CLASP1: variants seen among roughly 807,000 people sequenced by gnomAD.
The protein encoded by CLASP1 is cytoplasmic linker associated protein 1.
CLASP1 carries 38 observed loss-of-function variants against 192.3 expected under a neutral mutation model. The observed-to-expected ratio is 0.20, with a 90% CI of 0.15 to 0.26. The LOEUF (loss-of-function observed/expected upper bound fraction) is 0.26. Ranked by LOEUF, CLASP1 falls within the 10% of genes least tolerant of loss-of-function variation. The pLI, the probability that CLASP1 is intolerant of heterozygous loss-of-function variation, is 1.00. For missense variants in CLASP1, 1,433 were observed against 1,932.5 expected (o/e 0.74, Z 4.85); for synonymous variants, 691 against 712.8 (o/e 0.97, Z 0.49).
At chr2:121,406,084 T>C (rs767040663) in intron 25 of CLASP1, among the ~76,000 whole-genome samples, 2 of 152,240 alleles carry the variant, frequency 1.3e-5, no homozygotes, top group Non-Finnish European at 1.5e-5. Flanking sequence ...TTTCTCCCGT[T>C]TTCACATCTC....
chr2:121,367,687 C>T (rs1239701270), exon 35 of CLASP1: 2 of 1,614,032 alleles, frequency 1.2e-6, no homozygotes, highest in Non-Finnish European at 1.7e-6. Context: ...GGGTTGTAGT[C>T]TCGCGCCCGC....
rs1407920062 is a variant in CLASP1, at chr2:121,479,011, ACAC to A, written c.713-9054_713-9052del. 3.9e-4 allele frequency among the ~76,000 whole-genome samples: 20 copies of A among 51,070 alleles called. 1 individual carries two copies. Among genetic ancestry groups the A allele is most frequent in the African/African-American group, 1.7e-3 (17 of 10,176 alleles). 33.5% of individuals were successfully genotyped at this position (51,070 alleles called of 152,430 possible). A position where few individuals can be genotyped will look rare whatever the true frequency, so the allele number is the denominator to read the frequency against. On this transcript the variant is annotated intron_variant, in intron 8 of 39. Coordinates refer to ENST00000263710, the Ensembl canonical transcript of CLASP1. ...CACACCCCACACACACACCACACACACACACCACACACACACACACCCCACACA... is the reference window on the plus strand; with the variant it reads ...CACACCCCACACACACACCACACACAACCACACACACACACACCCCACACA...
chr2:121,508,362 A>C (rs1021762201), intron 7 of CLASP1, among the ~76,000 whole-genome samples: 2 of 152,174 alleles, frequency 1.3e-5, no homozygotes, highest in African/African-American at 2.4e-5. Context: ...AATTCCCCCC[A>C]AAAAACTAAA....
At chr2:121,615,371 T>C (rs1454949378) in intron 1 of CLASP1, among the ~76,000 whole-genome samples, 1 of 151,684 alleles carries the variant, frequency 6.6e-6, no homozygotes, top group African/African-American at 2.4e-5. Context: ...GTTACAGCAC[T>C]TAAGGAAAAA....
chr2:121,405,416 A>G (rs1044499900), intron 25 of CLASP1, among the ~76,000 whole-genome samples: 4 of 152,220 alleles, frequency 2.6e-5, no homozygotes, highest in African/African-American at 4.8e-5. Flanking sequence ...TGAGAGGATT[A>G]AAAGATAAAA....
chr2:121,525,703 G>C (rs745899953), intron 6 of CLASP1, 142 bp downstream of exon 6: 1 of 616,454 alleles, frequency 1.6e-6, no homozygotes, highest in Non-Finnish European at 2.9e-6. Flanking sequence ...TTTTATAAAT[G>C]CTAATGGGTA....
At chr2:121,374,299 A>C (rs2069459957) in intron 34 of CLASP1, among the ~76,000 whole-genome samples, 1 of 152,244 alleles carries the variant, frequency 6.6e-6, no homozygotes, top group Non-Finnish European at 1.5e-5. Flanking sequence ...GAAGGCAAGA[A>C]TTGAGGTTTG....
intron 8 of CLASP1, among the ~76,000 whole-genome samples, chr2:121,482,312 G>A (rs1370325655): frequency 3.3e-5 from 5 of 152,062 alleles, no homozygotes; most frequent in East Asian, 3.9e-4. Context: ...TGTGCCCATC[G>A]GGACACTAGG....
At chr2:121,626,581 CT>C (rs34285133) in intron 1 of CLASP1, among the ~76,000 whole-genome samples, 36,069 of 151,268 alleles carry the variant, frequency 0.24, 6,503 homozygotes, top group African/African-American at 0.5. Flanking sequence ...ATTTTGATTC[CT>C]TTTTTTTTGT....
rs144287131 is a variant in CLASP1, at chr2:121,404,438, G to C, written c.2670-4C>G. 6 of 1,607,406 alleles carry C rather than the reference G, an allele frequency of 3.7e-6. No homozygotes were observed. The African/African-American group carries it at 4.0e-5, about 11-fold the overall frequency. On this transcript the variant is annotated splice_region_variant and splice_polypyrimidine_tract_variant and intron_variant, in intron 25 of 39. Coordinates refer to ENST00000263710, the Ensembl canonical transcript of CLASP1. ...CAACCTTTTCAGTTCAACTCGACTA[G>C]AAGAAATAAAACAGAAATCAATGAA...
intron 30 of CLASP1, 168 bp from the exon 32 acceptor site, chr2:121,388,074 C>T: frequency 5.6e-6 from 3 of 537,672 alleles, no homozygotes; most frequent in Non-Finnish European, 9.7e-6. Context: ...CACAAGCAGT[C>T]TGACTTCAAT....
chr2:121,342,678 C>T (rs1255857849), intron 39 of CLASP1, among the ~76,000 whole-genome samples: 6 of 152,126 alleles, frequency 3.9e-5, no homozygotes, highest in South Asian at 2.1e-4. Context: ...GGCATGGTCA[C>T]GCCTATAATC....
intron 1 of CLASP1, among the ~76,000 whole-genome samples, chr2:121,627,194 G>T (rs545581032): frequency 1.3e-5 from 2 of 152,136 alleles, no homozygotes; most frequent in Non-Finnish European, 2.9e-5. Flanking sequence ...CAAAATATGC[G>T]TAACCATTGG....
intron 1 of CLASP1, among the ~76,000 whole-genome samples, chr2:121,642,414 A>AG (rs1371492192): frequency 2.0e-5 from 3 of 151,706 alleles, no homozygotes; most frequent in Admixed American, 6.6e-5. Context: ...AAAAAAAAAA[A>AG]AAAAGAAAAA....
chr2:121,530,262 C>T (rs376819522), exon 3 of CLASP1: 2 of 1,552,332 alleles, frequency 1.3e-6, no homozygotes, highest in Non-Finnish European at 1.7e-6. Flanking sequence ...CCGATCTGCG[C>T]CTTGAACCGA....
At chr2:121,415,436 T>C (rs2078412328) in intron 23 of CLASP1, among the ~76,000 whole-genome samples, 1 of 152,226 alleles carries the variant, frequency 6.6e-6, no homozygotes. Flanking sequence ...ATTTACAATC[T>C]GACATTATAG....
chr2:121,352,156 A>G (rs556278756), intron 37 of CLASP1, among the ~76,000 whole-genome samples: 36 of 152,314 alleles, frequency 2.4e-4, no homozygotes, highest in African/African-American at 7.9e-4. Flanking sequence ...ATTAGATGGG[A>G]GGAGGAAGGA....
intron 9 of CLASP1, among the ~76,000 whole-genome samples, chr2:121,465,408 C>T (rs2089330734): frequency 6.6e-6 from 1 of 152,152 alleles, no homozygotes. Context: ...CATGAGTGAA[C>T]TCCCATTCAC....
intron 8 of CLASP1, among the ~76,000 whole-genome samples, chr2:121,476,913 ATTTC>A (rs1342547676): frequency 6.6e-6 from 1 of 152,140 alleles, no homozygotes; most frequent in East Asian, 1.9e-4. Context: ...ATATCCCAAA[ATTTC>A]TTTCTTCTTG....
Sources: allele counts gnomAD v4.1 joint callset (sites outside exome capture counted in the v4.1 genomes callset), GRCh38; gene constraint gnomAD v4.1.1; transcripts MANE v1.5; gene names NCBI Gene and HGNC (gene_info 2026-07-23, HGNC 2026-07-21).